SPTBN5: variants seen among roughly 807,000 people sequenced by gnomAD.
SPTBN5 encodes spectrin beta, non-erythrocytic 5.
Under a neutral mutation model 477.6 loss-of-function variants are expected in SPTBN5, and 513 were observed. That is an observed-to-expected ratio of 1.07 (90% CI 1.00 to 1.16). The LOEUF is 1.16. Ranked by LOEUF, SPTBN5 falls within the 50% of genes most tolerant of loss-of-function variation. SPTBN5 has a pLI of 0.00. For missense variants in SPTBN5, 5,062 were observed against 4,731.8 expected (o/e 1.07, Z -2.05); for synonymous variants, 2,169 against 2,011.7 (o/e 1.08, Z -2.09).
At chr15:41,857,520 G>A in intron 50 of SPTBN5, 26 bp from the exon 51 acceptor site, 1 of 1,603,070 alleles carries the variant, frequency 6.2e-7, no homozygotes, top group Non-Finnish European at 8.5e-7. Context: ...AGGTAGGCAG[G>A]AGGGGAGTGT....
In SPTBN5 at chr15:41,880,162, C is replaced by T. The variant is rs746404663; in HGVS notation, c.2809G>A (p.Glu937Lys). The change falls in exon 14 of 68, where the codon GAG becomes AAG. Residue 937 changes from glutamate to lysine, a missense_variant and splice_region_variant. By Grantham distance (56) the Glu-to-Lys change is moderately conservative. Coordinates refer to ENST00000320955, the MANE Select transcript of SPTBN5 (RefSeq NM_016642.4). ...DTLEVMQLKY[E>K]NFLTALAVGK... ...GTGCCAAGCTCCCAGGGCTGTACCT[C>T]ATATTTGAGCTGCATGACCTCCAGG... 2 of 1,596,490 alleles carry T rather than the reference C, an allele frequency of 1.3e-6. No homozygotes were observed. Among genetic ancestry groups the T allele is most frequent in the African/African-American group, 1.3e-5 (1 of 74,528 alleles).
intron 59 of SPTBN5, 35 bp downstream of exon 59, chr15:41,853,223 C>T (rs778285081): frequency 1.3e-6 from 2 of 1,556,512 alleles, no homozygotes; most frequent in Middle Eastern, 3.5e-4. Context: ...GCTGTATCCC[C>T]AGCCCAACCC....
chr15:41,867,946 G>A (rs2066387735), intron 34 of SPTBN5, 123 bp downstream of exon 34: 2 of 1,316,304 alleles, frequency 1.5e-6, no homozygotes, highest in African/African-American at 1.5e-5. Context: ...GGAAGGACTT[G>A]TGCACAGCTG....
At chr15:41,863,681 C>T (rs371946920) in intron 41 of SPTBN5, 23 bp downstream of exon 41, 50 of 1,596,432 alleles carry the variant, frequency 3.1e-5, no homozygotes, top group East Asian at 2.0e-4. Context: ...CAGCCCCCAC[C>T]GGGACCTCTT....
intron 12 of SPTBN5, 58 bp from the exon 13 acceptor site, chr15:41,881,292 GC>G: frequency 6.9e-7 from 1 of 1,453,296 alleles, no homozygotes; most frequent in Non-Finnish European, 9.3e-7. Flanking sequence ...AGGGGCTTTG[GC>G]CAGGCCACCC....
chr15:41,869,806 C>A, intron 32 of SPTBN5, 35 bp downstream of exon 32: 1 of 1,512,838 alleles, frequency 6.6e-7, no homozygotes, highest in Non-Finnish European at 8.8e-7. Context: ...CACACACATG[C>A]ACACACACAC....
At chr15:41,872,182 C>A in intron 27 of SPTBN5, 120 bp downstream of exon 27, 2 of 1,304,574 alleles carry the variant, frequency 1.5e-6, no homozygotes, top group East Asian at 5.0e-5. Flanking sequence ...ACCCTTTTCC[C>A]AATGCATCTC....
rs1329452801 is a variant in SPTBN5 at position 41,869,944 on chromosome 15, C to T, written c.5750G>A (p.Arg1917Lys). 6.4e-7 allele frequency: 1 copy of T among 1,554,384 alleles called. No individual in the cohort carries two copies. The highest frequency in any genetic ancestry group is 1.9e-5 in the Admixed American group (1 of 53,338). Residue 1917 changes from arginine (R) to lysine (K), a missense_variant, in exon 32 of 68, where the codon AGG becomes AAG. Physicochemically the swap from Arg to Lys is conservative, Grantham distance 26. Transcript: ENST00000320955. ...PGPQAHAVQQ[R>K]QQAVTQAWAV... ...CCACGCCTGCGTCACAGCTTGCTGC[C>T]TCTGCTGCACCGCATGGGCCTGAGG...
chr15:41,878,240 G>A, intron 17 of SPTBN5, 102 bp downstream of exon 17: 1 of 1,403,282 alleles, frequency 7.1e-7, no homozygotes, highest in South Asian at 1.4e-5. Context: ...CCCTCCCTGG[G>A]GAAATCACAC....
At position 41,866,503 on chromosome 15, in the gene SPTBN5, G is replaced by C; in HGVS notation, c.6481-10C>G. The C allele has an allele frequency of 6.5e-7, 1 of 1,548,646 alleles. No homozygotes were observed. The highest frequency in any genetic ancestry group is 8.7e-7 in the Non-Finnish European group (1 of 1,150,820). ...GGATCCAGTCCTCAGCCTGGTGGGGGTGGGACATGAATGCTGCAATGTTCT... is the reference window on the plus strand; with the variant it reads ...GGATCCAGTCCTCAGCCTGGTGGGGCTGGGACATGAATGCTGCAATGTTCT... On this transcript the variant is annotated splice_polypyrimidine_tract_variant and intron_variant, in intron 36 of 67. Coordinates refer to ENST00000320955, the MANE Select transcript of SPTBN5 (RefSeq NM_016642.4).
At chr15:41,893,604 C>T in intron 1 of SPTBN5, 58 bp from the exon 2 acceptor site, 2 of 1,466,788 alleles carry the variant, frequency 1.4e-6, no homozygotes, top group Non-Finnish European at 1.8e-6. Flanking sequence ...CTACCAGGGG[C>T]CTGGGGTCCC....
intron 26 of SPTBN5, among the ~76,000 whole-genome samples, chr15:41,872,766 AC>A (rs2066590428): frequency 6.6e-6 from 1 of 152,198 alleles, no homozygotes. Flanking sequence ...ATTAGACTGG[AC>A]CCCAACATCC....
Position 41,882,675 on chromosome 15 carries a change from T to C in SPTBN5, c.1956A>G (p.Glu652=), listed in dbSNP as rs1300423132. Residue 652 remains glutamate, a synonymous_variant, in exon 10 of 68, where the codon GAA becomes GAG. Coordinates refer to ENST00000320955, the MANE Select transcript of SPTBN5 (RefSeq NM_016642.4). ...AEFLRNCEEE[E]AWLKECGQRV... is the part of the protein sequence containing the mutation. ...GCTGTCCGCACTCCTTCAGCCAGGCTTCCTCCTCCTCACAGTTGCGCAGGA... is the reference window on the plus strand; with the variant it reads ...GCTGTCCGCACTCCTTCAGCCAGGCCTCCTCCTCCTCACAGTTGCGCAGGA... The C allele has an allele frequency of 2.5e-6, 4 of 1,608,782 alleles. No individual in the cohort carries two copies. The African/African-American group carries it at 4.0e-5, about 16-fold the overall frequency.
chr15:41,869,804 T>C, intron 32 of SPTBN5, 37 bp downstream of exon 32: 3 of 1,514,158 alleles, frequency 2.0e-6, no homozygotes, highest in Non-Finnish European at 2.6e-6. Context: ...CACACACACA[T>C]GCACACACAC....
At position 41,851,062 on chromosome 15, in the gene SPTBN5, A is replaced by G; in HGVS notation, c.10832T>C (p.Leu3611Ser). The change falls in exon 65 of 68, where the codon TTA becomes TCA. Residue 3611 changes from leucine to serine, a missense_variant. Transcript: ENST00000320955. ...GAGTCCATGTCTCTCCGCTCACCTT[A>G]AGGAGAATGTGTGTTTCCTGCCGTG... The part of the protein sequence containing the change: ...GRHGRKHTFS[L>S]RLTSGAEILF... 6.2e-7 allele frequency: 1 copy of G among 1,611,820 alleles called. No individual in the cohort carries two copies. Among genetic ancestry groups the G allele is most frequent in the Non-Finnish European group, 8.5e-7 (1 of 1,179,364 alleles).
chr15:41,854,058 G>A lies in SPTBN5; in HGVS notation c.9766C>T (p.Arg3256Cys), dbSNP rs377621440. 147 of 1,567,110 alleles carry A rather than the reference G, an allele frequency of 9.4e-5. 1 individual carries two copies. In the African/African-American group the frequency reaches 1.4e-3, roughly 15 times the overall value. The part of the protein sequence containing the change: ...SVRTLQQQHR[R>C]LERELEAMEK... ...CAGGGCGTGGGCCTCACCTCCAGGC[G>A]CCTGTGCTGTTGCTGCAGGGTCCGC... Residue 3256 changes from arginine to cysteine, a missense_variant, in exon 57 of 68, where the codon CGC becomes TGC. Transcript: ENST00000320955.
Position 41,855,643 on chromosome 15 carries a change from C to T in SPTBN5, c.9124G>A (p.Glu3042Lys). The T allele has an allele frequency of 6.2e-7, 1 of 1,608,214 alleles. No homozygotes were observed. Among genetic ancestry groups the T allele is most frequent in the Non-Finnish European group, 8.5e-7 (1 of 1,178,950 alleles). Reference protein sequence around the residue: ...EATQALLRRLEATKRDLEAFS... With the variant: ...EATQALLRRLKATKRDLEAFS... ...GCTTCCAGGTCTCTCTTGGTGGCCT[C>T]CAGCCGCCGCAGAAGGGCCTGTGTG... Residue 3042 changes from glutamate (E) to lysine (K), a missense_variant, in exon 54 of 68, where the codon GAG (glutamate) becomes AAG (lysine). Coordinates refer to ENST00000320955, the MANE Select transcript of SPTBN5 (RefSeq NM_016642.4).
intron 57 of SPTBN5, 39 bp from the exon 58 acceptor site, chr15:41,853,826 C>G: frequency 3.3e-6 from 5 of 1,513,944 alleles, no homozygotes; most frequent in Non-Finnish European, 3.6e-6. Context: ...AGTCCCCCCA[C>G]TGAGCCGATG....
At chr15:41,853,552 C>A in intron 58 of SPTBN5, 30 bp downstream of exon 58, 1 of 1,553,416 alleles carries the variant, frequency 6.4e-7, no homozygotes, top group South Asian at 1.2e-5. Flanking sequence ...CAGGGTAGAG[C>A]TGAGCCGGCA....
Sources: gnomAD v4.1 joint callset for allele counts (sites outside exome capture counted in the v4.1 genomes callset) on GRCh38, gnomAD v4.1.1 for gene constraint, MANE v1.5 for transcripts, NCBI Gene and HGNC (gene_info 2026-07-23, HGNC 2026-07-21) for gene names.